TSPAN15: variants seen among roughly 807,000 people sequenced by gnomAD.
TSPAN15 encodes tetraspanin-15.
In TSPAN15, 20 loss-of-function variants were observed where a neutral mutation model predicts 34.5. The ratio of observed to expected loss-of-function variants is 0.58; its 90% CI spans 0.41 to 0.84. The LOEUF (loss-of-function observed/expected upper bound fraction) is 0.84. Ranked by LOEUF, TSPAN15 falls within the 40% of genes least tolerant of loss-of-function variation. The pLI, the probability that TSPAN15 is intolerant of heterozygous loss-of-function variation, is 0.00. For synonymous variants in TSPAN15, 155 were observed against 153.9 expected, an observed-to-expected ratio of 1.01 and a Z score of -0.05; for missense variants, 313 against 386.1, an observed-to-expected ratio of 0.81 and a Z score of 1.59.
the TSPAN15 span, among the ~76,000 whole-genome samples, chr10:69,521,820 G>T: frequency 6.8e-6 from 1 of 147,052 alleles, no homozygotes; most frequent in Non-Finnish European, 1.5e-5. Flanking sequence ...TCTTCAGCTT[G>T]CAGATGGCAG....
chr10:69,537,842 G>C, the TSPAN15 span, among the ~76,000 whole-genome samples: 1 of 151,830 alleles, frequency 6.6e-6, no homozygotes, highest in South Asian at 2.1e-4. Context: ...TGGATCCTGA[G>C]GGTGGGGACT....
rs370822889 is a variant in TSPAN15 at position 69,458,437 on chromosome 10, C to T, written c.96+6747C>T. Among the ~76,000 whole-genome samples, 9 of 152,336 alleles carry T rather than the reference C, an allele frequency of 5.9e-5. No homozygotes were observed. The East Asian group carries it at 1.7e-3, about 29-fold the overall frequency. ...TAAACATCCATCTGGACATCTTGTA[C>T]ATATATGTAGACATTTTATTTCTTT... On this transcript the variant is annotated intron_variant, in intron 1 of 7. Coordinates refer to ENST00000373290, the MANE Select transcript of TSPAN15 (RefSeq NM_012339.5).
At chr10:69,513,993 A>G in the TSPAN15 span, among the ~76,000 whole-genome samples, 1 of 152,222 alleles carries the variant, frequency 6.6e-6, no homozygotes, top group Admixed American at 6.5e-5. Flanking sequence ...TTAGGGGGAA[A>G]GTGTTCAGTC....
rs750863794 is a variant in TSPAN15, at chr10:69,506,162, C to T, written c.657C>T (p.Cys219=). Reference sequence around the variant, plus strand: ...AGGATGTCATCTACGTGCGGGGCTGCACCAACGCCGTGATCATCTGGTTCA... The same window carrying T: ...AGGATGTCATCTACGTGCGGGGCTGTACCAACGCCGTGATCATCTGGTTCA... ...SVQDVIYVRG[C]TNAVIIWFMD... is the part of the protein sequence containing the mutation. Residue 219 remains cysteine (C), a synonymous_variant, in exon 7 of 8, where the codon TGC becomes TGT. Coordinates refer to ENST00000373290, the MANE Select transcript of TSPAN15 (RefSeq NM_012339.5). The surrounding 1 kb of genome is among the most constrained non-coding windows in gnomAD (Gnocchi z 4.7). 6.2e-7 allele frequency: 1 copy of T among 1,614,200 alleles called. No individual in the cohort carries two copies. Among genetic ancestry groups the T allele is most frequent in the African/African-American group, 1.3e-5 (1 of 75,050 alleles).
At chr10:69,460,964 C>T (rs1322895301) in intron 1 of TSPAN15, among the ~76,000 whole-genome samples, 2 of 152,142 alleles carry the variant, frequency 1.3e-5, no homozygotes, top group Non-Finnish European at 2.9e-5. Context: ...TCATGGACAA[C>T]TCTCTGTGCC....
At chr10:69,523,521 C>T in the TSPAN15 span, 1 of 474,146 alleles carries the variant, frequency 2.1e-6, no homozygotes, top group African/African-American at 2.0e-5. Context: ...ACTTGTTGGC[C>T]TTGTCAAAGA....
chr10:69,452,408 G>C (rs1193511255), intron 1 of TSPAN15, among the ~76,000 whole-genome samples: 1 of 152,050 alleles, frequency 6.6e-6, no homozygotes, highest in Non-Finnish European at 1.5e-5. Flanking sequence ...TCTCTGTATC[G>C]TTCCAATTTC....
rs763076324 is a variant in TSPAN15 at position 69,455,532 on chromosome 10, C to CTCTT, written c.96+3855_96+3858dup. 1.0e-4 allele frequency among the ~76,000 whole-genome samples: 15 copies of CTCTT among 147,474 alleles called. 1 individual carries two copies. The highest frequency in any genetic ancestry group is 2.0e-4 in the Non-Finnish European group (13 of 66,530). Reference sequence around the variant, plus strand: ...AGTCTTTCTTTCCCTCTCTTTCTTTCTCTTTCTTTCTTTCTTCTCTCTCTC... The same window carrying CTCTT: ...AGTCTTTCTTTCCCTCTCTTTCTTTCTCTTTCTTTCTTTCTTTCTTCTCTCTCTC... On this transcript the variant is annotated intron_variant, in intron 1 of 7. Transcript: ENST00000373290.
the TSPAN15 span, among the ~76,000 whole-genome samples, chr10:69,548,810 A>T: frequency 6.6e-6 from 1 of 152,158 alleles, no homozygotes; most frequent in Non-Finnish European, 1.5e-5. Flanking sequence ...TAGAGTTCAC[A>T]CAGGTTGGGG....
At chr10:69,530,779 A>ACT in the TSPAN15 span, among the ~76,000 whole-genome samples, 390 of 49,784 alleles carry the variant, frequency 7.8e-3, 7 homozygotes, top group Non-Finnish European at 9.5e-3. Flanking sequence ...ACAGAGTGAG[A>ACT]CTCTCTCTCT....
intron 1 of TSPAN15, among the ~76,000 whole-genome samples, chr10:69,477,030 A>G (rs1490836974): frequency 1.3e-5 from 2 of 152,062 alleles, no homozygotes; most frequent in East Asian, 3.9e-4. Flanking sequence ...GACAGCAGGA[A>G]CCCAGCTGCC....
At chr10:69,473,276 C>A (rs961541544) in intron 1 of TSPAN15, among the ~76,000 whole-genome samples, 2 of 152,072 alleles carry the variant, frequency 1.3e-5, no homozygotes, top group African/African-American at 2.4e-5. Flanking sequence ...GGGAGGAGGG[C>A]TTTGAGCTGA....
the TSPAN15 span, among the ~76,000 whole-genome samples, chr10:69,542,536 G>A: frequency 6.6e-6 from 1 of 152,326 alleles, no homozygotes; most frequent in East Asian, 1.9e-4. Flanking sequence ...AAGGAAAGAG[G>A]TTTAATTGAC....
At chr10:69,476,560 G>A (rs537950250) in intron 1 of TSPAN15, among the ~76,000 whole-genome samples, 1 of 142,694 alleles carries the variant, frequency 7.0e-6, no homozygotes, top group African/African-American at 2.7e-5. Context: ...CTGTCTCAAA[G>A]GGTCTCAAAA....
the TSPAN15 span, among the ~76,000 whole-genome samples, chr10:69,531,041 A>G: frequency 4.1e-5 from 6 of 145,428 alleles, 1 homozygote; most frequent in Non-Finnish European, 9.0e-5. Context: ...ACTAGACAGG[A>G]TTAAAGCTGG....
rs1416306187 is a variant in TSPAN15, at chr10:69,506,831, C to G, written c.738C>G (p.Phe246Leu). The change falls in exon 8 of 8, where the codon TTC becomes TTG. Residue 246 changes from phenylalanine (F) to leucine (L), a missense_variant and splice_region_variant. Coordinates refer to ENST00000373290, the MANE Select transcript of TSPAN15 (RefSeq NM_012339.5). This position sits in a 1 kb window ranked among gnomAD's most constrained non-coding sequence, Gnocchi z 4.7. ...CCAGCCCTGCCCCTTCTTCTCAGTTCCTGGGGGTGCTGCTGACGCTGCTGT... is the reference window on the plus strand; with the variant it reads ...CCAGCCCTGCCCCTTCTTCTCAGTTGCTGGGGGTGCTGCTGACGCTGCTGT... ...GILLGILLPQ[F>L]LGVLLTLLYI... 6 of 1,578,890 alleles carry G rather than the reference C, an allele frequency of 3.8e-6. No individual in the cohort carries two copies. The highest frequency in any genetic ancestry group is 5.2e-6 in the Non-Finnish European group (6 of 1,162,288).
chr10:69,452,478 C>T (rs1345114605), intron 1 of TSPAN15, among the ~76,000 whole-genome samples: 1 of 152,092 alleles, frequency 6.6e-6, no homozygotes, highest in African/African-American at 2.4e-5. Flanking sequence ...TACTTCATTC[C>T]TCTCGGCCAT....
intron 1 of TSPAN15, among the ~76,000 whole-genome samples, chr10:69,460,012 T>C (rs10998792): frequency 0.42 from 58,986 of 140,206 alleles, 12,489 homozygotes; most frequent in Non-Finnish European, 0.47. Flanking sequence ...TCAGGGGTAG[T>C]TGGGGAGATG....
intron 1 of TSPAN15, among the ~76,000 whole-genome samples, chr10:69,472,641 G>A (rs1841531322): frequency 6.6e-6 from 1 of 152,202 alleles, no homozygotes. Context: ...AGGGTCTGAA[G>A]GGGAAATGGT....
Sources: gnomAD v4.1 joint callset for allele counts (sites outside exome capture counted in the v4.1 genomes callset) on GRCh38, gnomAD v4.1.1 for gene constraint, Gnocchi (gnomAD v3.1) non-coding constraint, MANE v1.5 for transcripts, NCBI Gene and HGNC (gene_info 2026-07-23, HGNC 2026-07-21) for gene names.